CRYBG1: variants seen among roughly 807,000 people sequenced by gnomAD.
CRYBG1 encodes crystallin beta-gamma domain containing 1, also known as beta/gamma crystallin domain-containing protein 1.
A neutral mutation model predicts 189.2 loss-of-function variants in CRYBG1; 139 were observed. The observed-to-expected ratio is 0.73, with a 90% CI of 0.64 to 0.85. The LOEUF (loss-of-function observed/expected upper bound fraction) is 0.85, where lower values mean the gene tolerates loss of function less well. CRYBG1 is among the 40% of genes least tolerant of loss of function. CRYBG1 has a pLI of 0.00. For missense variants in CRYBG1, 2,611 were observed against 2,675.8 expected, an observed-to-expected ratio of 0.98 and a Z score of 0.53; for synonymous variants, 1,023 against 1,017.1, an observed-to-expected ratio of 1.01 and a Z score of -0.11.
chr6:106,455,753 C>T (rs904906684), intron 2 of CRYBG1, among the ~76,000 whole-genome samples: 1 of 151,724 alleles, frequency 6.6e-6, no homozygotes, highest in Admixed American at 6.6e-5. Context: ...TTTATTAATT[C>T]AAGCAAAAAA....
In CRYBG1 at chr6:106,539,387, C is replaced by T; in HGVS notation, c.4719-16C>T. ...TGAGTCGGCTCCCTTTCTTTCCTTC[C>T]ATGGTGGCTATTTAGGTGGCTGATT... On this transcript the variant is annotated splice_polypyrimidine_tract_variant and intron_variant, in intron 8 of 21. Transcript: ENST00000633556. 2 of 1,612,632 alleles carry T rather than the reference C, an allele frequency of 1.2e-6. No individual in the cohort carries two copies. Among genetic ancestry groups the T allele is most frequent in the Non-Finnish European group, 8.5e-7 (1 of 1,179,486 alleles).
rs1774616242 is a variant in CRYBG1, at chr6:106,558,549, C to T, written c.5779C>T (p.Leu1927Phe). The part of the protein sequence containing the change: ...REDFKGKKIE[L>F]NAETVNLRSL... ...AGACTTCAAAGGAAAAAAGATTGAA[C>T]TTAATGCAGAAACTGTCAATCTCCG... Residue 1927 changes from leucine to phenylalanine, a missense_variant, in exon 18 of 22, where the codon CTT becomes TTT. This residue lies in a region of CRYBG1 where 1,622 missense variants were observed against 1,735.0 expected (regional missense o/e 0.93). Transcript: ENST00000633556. 1 of 1,611,900 alleles carries T rather than the reference C, an allele frequency of 6.2e-7. No individual in the cohort carries two copies.
At chr6:106,557,684 C>T (rs758056761) in intron 17 of CRYBG1, among the ~76,000 whole-genome samples, 2 of 152,186 alleles carry the variant, frequency 1.3e-5, no homozygotes, top group Non-Finnish European at 2.9e-5. Flanking sequence ...CCGTCCACCT[C>T]GGCCTCCCAA....
chr6:106,519,518 C>T lies in CRYBG1; in HGVS notation c.2310C>T (p.Asp770=), dbSNP rs1452110300. Residue 770 remains aspartate, a synonymous_variant, in exon 4 of 22, where the codon GAC becomes GAT. Coordinates refer to ENST00000633556, the MANE Select transcript of CRYBG1 (RefSeq NM_001371242.2). ...ILPATRGMNG[D]SSENQALGPQ... is the part of the protein sequence containing the mutation. ...CAGCAACCAGAGGAATGAATGGAGACTCTTCTGAGAATCAAGCTCTTGGTC... is the reference window on the plus strand; with the variant it reads ...CAGCAACCAGAGGAATGAATGGAGATTCTTCTGAGAATCAAGCTCTTGGTC... The T allele has an allele frequency of 2.5e-6, 4 of 1,614,020 alleles. No homozygotes were observed. The highest frequency in any genetic ancestry group is 2.7e-5 in the African/African-American group (2 of 74,922).
intron 1 of CRYBG1, among the ~76,000 whole-genome samples, chr6:106,406,886 A>T (rs2114364738): frequency 6.6e-6 from 1 of 152,384 alleles, no homozygotes; most frequent in Middle Eastern, 3.4e-3. Context: ...TGAAGGAAGC[A>T]CTAAATATGG....
intron 2 of CRYBG1, among the ~76,000 whole-genome samples, chr6:106,495,835 A>C (rs1562088308): frequency 6.6e-6 from 1 of 150,872 alleles, no homozygotes; most frequent in East Asian, 1.9e-4. Flanking sequence ...AAAAAAAAAA[A>C]AACAACTTTC....
At chr6:106,419,797 T>C (rs541382422) in intron 1 of CRYBG1, among the ~76,000 whole-genome samples, 40 of 152,346 alleles carry the variant, frequency 2.6e-4, no homozygotes, top group African/African-American at 8.2e-4. Context: ...CTCTGACTTA[T>C]AATCAAGAAT....
rs759774505 is a variant in CRYBG1 at position 106,520,949 on chromosome 6, ATCT to A, written c.3746_3748del (p.Ser1249del). ...AAAGTGCACTTTTCTCAAGCTTGTTATCTTCTTTACCACAAGACAAAATCTTTT... is the reference window on the plus strand; with the variant it reads ...AAAGTGCACTTTTCTCAAGCTTGTTATCTTTACCACAAGACAAAATCTTTT... On this transcript the variant is annotated inframe_deletion, in exon 4 of 22. Transcript: ENST00000633556. The A allele has an allele frequency of 3.1e-6, 5 of 1,614,210 alleles. No homozygotes were observed. The Admixed American group carries it at 8.3e-5, about 27-fold the overall frequency.
intron 1 of CRYBG1, among the ~76,000 whole-genome samples, chr6:106,375,361 G>A (rs1270737973): frequency 1.3e-5 from 2 of 151,960 alleles, no homozygotes; most frequent in African/African-American, 2.4e-5. Context: ...CCTGCAGCCT[G>A]GGAGACAGAG....
chr6:106,405,164 T>G (rs757161053), intron 1 of CRYBG1, among the ~76,000 whole-genome samples: 3 of 152,178 alleles, frequency 2.0e-5, no homozygotes, highest in African/African-American at 4.8e-5. Flanking sequence ...CACAGCAGTC[T>G]GAAGTCAACC....
intron 4 of CRYBG1, among the ~76,000 whole-genome samples, chr6:106,522,921 G>A (rs1487053516): frequency 6.6e-6 from 1 of 152,060 alleles, no homozygotes; most frequent in East Asian, 1.9e-4. Context: ...TTGGTGTTAG[G>A]ACCCTTTATG....
intron 1 of CRYBG1, among the ~76,000 whole-genome samples, chr6:106,448,476 A>G (rs2114432492): frequency 6.6e-6 from 1 of 152,188 alleles, no homozygotes; most frequent in Non-Finnish European, 1.5e-5. Context: ...TCATGACCCC[A>G]AGTATAGAGA....
In CRYBG1 at chr6:106,521,381, C is replaced by T; in HGVS notation, c.4173C>T (p.Phe1391=). The change falls in exon 4 of 22, where the codon TTC becomes TTT. Residue 1391 remains phenylalanine (F), a synonymous_variant. Coordinates refer to ENST00000633556, the MANE Select transcript of CRYBG1 (RefSeq NM_001371242.2). ...LPNCANSDTD[F]MGLFKSSRYD... is the part of the protein sequence containing the mutation. ...ACTGTGCAAACAGTGACACCGACTT[C>T]ATGGGTCTTTTCAAATCAAGCCGGT... 6.2e-7 allele frequency: 1 copy of T among 1,612,882 alleles called. No individual in the cohort carries two copies.
chr6:106,562,976 T>C (rs1774769066), intron 20 of CRYBG1, among the ~76,000 whole-genome samples: 1 of 152,152 alleles, frequency 6.6e-6, no homozygotes, highest in Non-Finnish European at 1.5e-5. Context: ...CACAAGTGCA[T>C]GCCACTATAC....
intron 2 of CRYBG1, among the ~76,000 whole-genome samples, chr6:106,505,371 G>A (rs149940919): frequency 0.094 from 14,312 of 152,116 alleles, 755 homozygotes; most frequent in African/African-American, 0.13. Flanking sequence ...TGGAATTACA[G>A]GCATGAGCCA....
rs752749776 is a variant in CRYBG1 at position 106,561,389 on chromosome 6, G to A, written c.6027G>A (p.Met2009Ile). 28 of 1,614,130 alleles carry A rather than the reference G, an allele frequency of 1.7e-5. No individual in the cohort carries two copies. Among genetic ancestry groups the A allele is most frequent in the Middle Eastern group, 3.3e-4 (2 of 6,062 alleles). Residue 2009 changes from methionine (M) to isoleucine (I), a missense_variant, in exon 20 of 22, where the codon ATG becomes ATA. By Grantham distance (10) the Met-to-Ile change is conservative (BLOSUM62 1). Coordinates refer to ENST00000633556, the MANE Select transcript of CRYBG1 (RefSeq NM_001371242.2). ...GAAACAAAGCAACAGGGTTATTCAT[G>A]TCAACCAATGGAAACTTAGAGGATC... is the stretch of plus-strand genomic sequence containing the variant. ...RLRNKATGLF[M>I]STNGNLEDLK... is the part of the protein sequence containing the mutation.
At chr6:106,384,124 GGTCA>G (rs2114324055) in intron 1 of CRYBG1, among the ~76,000 whole-genome samples, 1 of 152,258 alleles carries the variant, frequency 6.6e-6, no homozygotes, top group African/African-American at 2.4e-5. Context: ...GATGGTGTGA[GGTCA>G]GTGTCACCTT....
chr6:106,371,392 C>T (rs539312048), intron 1 of CRYBG1, among the ~76,000 whole-genome samples: 5 of 152,182 alleles, frequency 3.3e-5, no homozygotes, highest in Admixed American at 6.5e-5. Flanking sequence ...CAAGCCTGGG[C>T]AGAGGAGGCT....
In CRYBG1 at chr6:106,512,344, G is replaced by T. The variant is rs778860060; in HGVS notation, c.1227G>T (p.Met409Ile). 1 of 1,610,910 alleles carries T rather than the reference G, an allele frequency of 6.2e-7. No homozygotes were observed. Among genetic ancestry groups the T allele is most frequent in the East Asian group, 2.2e-5 (1 of 44,700 alleles). The change falls in exon 3 of 22, where the codon ATG becomes ATT. Residue 409 changes from methionine to isoleucine, a missense_variant. Transcript: ENST00000633556. ...AAGATTGCGGTGACTGGGACGACATGGAGAAGAGGTCCAGCGGCCGTAGGT... is the reference window on the plus strand; with the variant it reads ...AAGATTGCGGTGACTGGGACGACATTGAGAAGAGGTCCAGCGGCCGTAGGT... ...RAEDCGDWDD[M>I]EKRSSGRRSG...
Sources: allele counts gnomAD v4.1 joint callset (sites outside exome capture counted in the v4.1 genomes callset), GRCh38; gene constraint gnomAD v4.1.1; regional missense constraint gnomAD v4.1.1; transcripts MANE v1.5; gene names NCBI Gene and HGNC (gene_info 2026-07-23, HGNC 2026-07-21).